PPP2R5A: variants seen among roughly 807,000 people sequenced by gnomAD.
The protein encoded by PPP2R5A is protein phosphatase 2 regulatory subunit B'alpha.
A neutral mutation model predicts 64.2 loss-of-function variants in PPP2R5A; 25 were observed. The ratio of observed to expected loss-of-function variants is 0.39; its 90% CI spans 0.28 to 0.54. The LOEUF is 0.54. Among genes scored for constraint, PPP2R5A ranks in the 20% least tolerant of loss-of-function variants. The probability of loss-of-function intolerance (pLI) is 0.67; values close to 1 mark genes in which losing one functional copy is unlikely to be tolerated. For synonymous variants in PPP2R5A, 198 were observed against 201.2 expected (o/e 0.98, Z 0.13); for missense variants, 425 against 576.3 (o/e 0.74, Z 2.69).
chr1:212,302,789 C>T (rs767988273), intron 1 of PPP2R5A, among the ~76,000 whole-genome samples: 15 of 152,152 alleles, frequency 9.9e-5, no homozygotes, highest in South Asian at 6.2e-4. Flanking sequence ...ATTTACTTTC[C>T]GTCTCTAGAT....
At chr1:212,291,060 A>C (rs375532198) in intron 1 of PPP2R5A, among the ~76,000 whole-genome samples, 3 of 152,238 alleles carry the variant, frequency 2.0e-5, no homozygotes, top group African/African-American at 4.8e-5. Flanking sequence ...TTATGTGTTT[A>C]GCACTGTGGT....
chr1:212,304,085 A>G (rs1658848396), intron 1 of PPP2R5A, among the ~76,000 whole-genome samples: 1 of 152,116 alleles, frequency 6.6e-6, no homozygotes, highest in South Asian at 2.1e-4. Context: ...TTATAGCTAT[A>G]TCTTTCTCTC....
intron 8 of PPP2R5A, among the ~76,000 whole-genome samples, chr1:212,354,133 G>A (rs560439031): frequency 7.4e-4 from 113 of 152,202 alleles, no homozygotes; most frequent in African/African-American, 2.6e-3. Flanking sequence ...GCAGTGAGCC[G>A]AGATCGTGCC....
chr1:212,353,733 GAATA>G (rs1659927305), intron 8 of PPP2R5A, among the ~76,000 whole-genome samples: 1 of 151,960 alleles, frequency 6.6e-6, no homozygotes, highest in African/African-American at 2.4e-5. Context: ...ATGGATTTTA[GAATA>G]AATGTTTCTA....
chr1:212,322,221 G>T (rs1196635336), intron 1 of PPP2R5A, among the ~76,000 whole-genome samples: 1 of 112,524 alleles, frequency 8.9e-6, no homozygotes, highest in Non-Finnish European at 1.6e-5. Context: ...GAGACTGTGG[G>T]GAGAGGGAGA....
chr1:212,296,979 G>A (rs949931163), intron 1 of PPP2R5A, among the ~76,000 whole-genome samples: 2 of 151,692 alleles, frequency 1.3e-5, no homozygotes, highest in Middle Eastern at 3.2e-3. Flanking sequence ...AGTCCAGTTT[G>A]TTGCCTGGAC....
intron 1 of PPP2R5A, among the ~76,000 whole-genome samples, chr1:212,297,093 C>CCTCTTTTTTTT (rs1558138694): frequency 4.9e-5 from 4 of 81,916 alleles, no homozygotes; most frequent in African/African-American, 1.5e-4. Flanking sequence ...TTCTTTGCTT[C>CCTCTTTTTTTT]TTCTTTTTTT....
intron 1 of PPP2R5A, chr1:212,306,913 A>G (rs1002809643): frequency 2.6e-5 from 4 of 152,068 alleles, no homozygotes; most frequent in African/African-American, 9.7e-5. Context: ...ACCTGCCACC[A>G]TGCCTGGCTA....
At chr1:212,351,215 A>G (rs1029822818) in intron 8 of PPP2R5A, among the ~76,000 whole-genome samples, 6 of 152,080 alleles carry the variant, frequency 3.9e-5, no homozygotes, top group South Asian at 2.1e-4. Flanking sequence ...TAGGAGCAGG[A>G]TGAGGAGAGA....
In PPP2R5A at chr1:212,286,702, C is replaced by G. The variant is rs149879809; in HGVS notation, c.181+411C>G. On this transcript the variant is annotated intron_variant, in intron 1 of 12. Coordinates refer to ENST00000261461, the MANE Select transcript of PPP2R5A (RefSeq NM_006243.4). ...TTTCCCGAGTGTCAGCTCCTCTGTT[C>G]GGCCACTTTTAGCTAGTCCTTTACT... Among the ~76,000 whole-genome samples, 997 of 152,268 alleles carry G rather than the reference C, an allele frequency of 6.5e-3. 9 individuals are homozygous for G. The highest frequency in any genetic ancestry group is 0.014 in the Middle Eastern group (4 of 294).
intron 3 of PPP2R5A, among the ~76,000 whole-genome samples, chr1:212,337,462 A>G (rs180838405): frequency 2.0e-5 from 3 of 152,264 alleles, no homozygotes; most frequent in Admixed American, 2.0e-4. Flanking sequence ...TCTGGGCAAT[A>G]TAATTAGAAA....
At chr1:212,338,689 A>T (rs2102438553) in intron 3 of PPP2R5A, among the ~76,000 whole-genome samples, 1 of 152,144 alleles carries the variant, frequency 6.6e-6, no homozygotes, top group South Asian at 2.1e-4. Flanking sequence ...CAGGAGGCTG[A>T]GGCAGGAGAA....
chr1:212,301,586 C>T (rs1380564547), intron 1 of PPP2R5A, among the ~76,000 whole-genome samples: 2 of 152,166 alleles, frequency 1.3e-5, no homozygotes, highest in Non-Finnish European at 2.9e-5. Flanking sequence ...TATTTAGTCA[C>T]AGTGCTGTGA....
Position 212,356,815 on chromosome 1 carries a change from C to G in PPP2R5A, c.979-135C>G, listed in dbSNP as rs565821805. The G allele has an allele frequency of 3.2e-6, 4 of 1,255,724 alleles. No individual in the cohort carries two copies. The African/African-American group carries it at 4.6e-5, about 14-fold the overall frequency. The allele number at this position is 1,255,724 out of a possible 1,614,324, so 77.8% of individuals were successfully genotyped here. A position where few individuals can be genotyped will look rare whatever the true frequency, so the allele number is the denominator to read the frequency against. On this transcript the variant is annotated intron_variant, in intron 9 of 12. Transcript: ENST00000261461. ...ACACAGACTTGGTAGAAGACCTGTGCTATAGTAAACTCTGCCATCCAGACA... is the reference window on the plus strand; with the variant it reads ...ACACAGACTTGGTAGAAGACCTGTGGTATAGTAAACTCTGCCATCCAGACA...
intron 1 of PPP2R5A, among the ~76,000 whole-genome samples, chr1:212,299,927 C>T (rs1658769388): frequency 6.6e-6 from 1 of 152,004 alleles, no homozygotes; most frequent in South Asian, 2.1e-4. Context: ...GTTCTTCTGC[C>T]TCAGCCTCCC....
At chr1:212,358,841 G>A in intron 12 of PPP2R5A, 54 bp downstream of exon 12, 1 of 1,430,976 alleles carries the variant, frequency 7.0e-7, no homozygotes. Flanking sequence ...TTAGTTGAAT[G>A]TGATTCAGTT....
intron 2 of PPP2R5A, among the ~76,000 whole-genome samples, chr1:212,332,046 T>G (rs1402386940): frequency 6.6e-6 from 1 of 152,208 alleles, no homozygotes; most frequent in East Asian, 1.9e-4. Context: ...AAGTATGATC[T>G]CAAGGACAAA....
At chr1:212,297,156 C>G (rs1207197968) in intron 1 of PPP2R5A, among the ~76,000 whole-genome samples, 2 of 112,328 alleles carry the variant, frequency 1.8e-5, no homozygotes, top group Non-Finnish European at 3.4e-5. Flanking sequence ...GAGTCTCACT[C>G]TATCGCCCAG....
At chr1:212,357,494 A>C (rs1659998571) in intron 11 of PPP2R5A, 1 of 428,738 alleles carries the variant, frequency 2.3e-6, no homozygotes, top group Admixed American at 4.6e-5. Flanking sequence ...TCTTAATGTC[A>C]ATTTATTTTT....
Sources: gnomAD v4.1 joint callset for allele counts (sites outside exome capture counted in the v4.1 genomes callset) on GRCh38, gnomAD v4.1.1 for gene constraint, MANE v1.5 for transcripts, NCBI Gene and HGNC (gene_info 2026-07-23, HGNC 2026-07-21) for gene names.